Variants in TCERG1L observed in about 807,000 individuals in gnomAD.
The protein encoded by TCERG1L is transcription elongation regulator 1 like.
A neutral mutation model predicts 56.3 loss-of-function variants in TCERG1L; 37 were observed. The ratio of observed to expected loss-of-function variants is 0.66; its 90% CI spans 0.51 to 0.87. The LOEUF is 0.87. Ranked by LOEUF, TCERG1L falls within the 40% of genes least tolerant of loss-of-function variation. The pLI, the probability that TCERG1L is intolerant of heterozygous loss-of-function variation, is 0.00. For missense variants in TCERG1L, 799 were observed against 774.2 expected, an observed-to-expected ratio of 1.03 and a Z score of -0.38; for synonymous variants, 324 against 326.3, an observed-to-expected ratio of 0.99 and a Z score of 0.08.
intron 4 of TCERG1L, among the ~76,000 whole-genome samples, chr10:131,205,756 G>A (rs1344655732): frequency 1.3e-5 from 2 of 152,210 alleles, no homozygotes; most frequent in Non-Finnish European, 2.9e-5. Flanking sequence ...GGCTCAGCAC[G>A]GCGGACCTCA....
intron 4 of TCERG1L, among the ~76,000 whole-genome samples, chr10:131,256,487 C>T (rs1007344787): frequency 6.6e-6 from 1 of 152,204 alleles, no homozygotes; most frequent in Admixed American, 6.5e-5. Context: ...TAGTTACCTG[C>T]TCTACCAGAG....
chr10:131,248,278 AGG>A (rs1204560168), intron 4 of TCERG1L, among the ~76,000 whole-genome samples: 8 of 11,154 alleles, frequency 7.2e-4, no homozygotes, highest in Non-Finnish European at 2.6e-3. Context: ...ACACACCCAC[AGG>A]ACACACACAC....
intron 4 of TCERG1L, among the ~76,000 whole-genome samples, chr10:131,203,824 C>A (rs1216430836): frequency 6.6e-6 from 1 of 152,202 alleles, no homozygotes; most frequent in Non-Finnish European, 1.5e-5. Flanking sequence ...CACTTCAGAC[C>A]TCCTCCAAGT....
chr10:131,157,590 C>T (rs1437751415), intron 6 of TCERG1L, among the ~76,000 whole-genome samples: 2 of 139,794 alleles, frequency 1.4e-5, no homozygotes, highest in African/African-American at 5.3e-5. Context: ...AGCCAAATTA[C>T]AAAAAAAAAA....
intron 4 of TCERG1L, among the ~76,000 whole-genome samples, chr10:131,167,841 T>C (rs938531784): frequency 6.6e-6 from 1 of 152,204 alleles, no homozygotes; most frequent in African/African-American, 2.4e-5. Context: ...AAAATGTCTA[T>C]CTAACTCTCA....
chr10:131,184,001 C>A (rs12761825), intron 4 of TCERG1L, among the ~76,000 whole-genome samples: 1 of 152,208 alleles, frequency 6.6e-6, no homozygotes, highest in African/African-American at 2.4e-5. Flanking sequence ...GCAGGGCCAA[C>A]CTTGGGGGTT....
chr10:131,258,522 C>T (rs1846198542), intron 4 of TCERG1L, among the ~76,000 whole-genome samples: 1 of 152,214 alleles, frequency 6.6e-6, no homozygotes, highest in African/African-American at 2.4e-5. Flanking sequence ...CTCAGACCTG[C>T]TCATCACCGG....
At chr10:131,309,859 A>AAAAAAAT (rs1846864244) in intron 1 of TCERG1L, among the ~76,000 whole-genome samples, 1 of 138,426 alleles carries the variant, frequency 7.2e-6, no homozygotes, top group Non-Finnish European at 1.6e-5. Context: ...AAAAAAAAAA[A>AAAAAAAT]CTAAGCATCT....
chr10:131,096,673 G>A (rs1386126199), intron 11 of TCERG1L, among the ~76,000 whole-genome samples: 2 of 152,138 alleles, frequency 1.3e-5, no homozygotes, highest in Admixed American at 6.5e-5. Flanking sequence ...GGCCAAGGCG[G>A]GTGGATCACA....
intron 8 of TCERG1L, among the ~76,000 whole-genome samples, chr10:131,122,217 A>G (rs1453923628): frequency 7.2e-5 from 11 of 152,364 alleles, no homozygotes; most frequent in Non-Finnish European, 2.9e-5. Flanking sequence ...CCTAAGCACT[A>G]GAAATGACCT....
chr10:131,174,600 A>C (rs2133444010), intron 4 of TCERG1L, among the ~76,000 whole-genome samples: 1 of 152,284 alleles, frequency 6.6e-6, no homozygotes, highest in Admixed American at 6.5e-5. Context: ...ACTCCACTAT[A>C]AATGGAGATA....
At chr10:131,272,366 G>T (rs1204321741) in intron 3 of TCERG1L, among the ~76,000 whole-genome samples, 1 of 152,236 alleles carries the variant, frequency 6.6e-6, no homozygotes. Flanking sequence ...GGTGTTTGTT[G>T]TTCTGGTTGT....
intron 3 of TCERG1L, among the ~76,000 whole-genome samples, chr10:131,281,864 CG>C: frequency 6.8e-6 from 1 of 146,280 alleles, no homozygotes; most frequent in South Asian, 2.1e-4. Flanking sequence ...TGGCCGGGCG[CG>C]GTGGCTCACG....
chr10:131,249,850 G>T (rs149231378), intron 4 of TCERG1L, among the ~76,000 whole-genome samples: 13 of 152,084 alleles, frequency 8.5e-5, no homozygotes, highest in South Asian at 2.1e-4. Flanking sequence ...AAAGCACTCC[G>T]CCTGGCAAAT....
At chr10:131,152,997 A>G (rs1355253959) in intron 6 of TCERG1L, among the ~76,000 whole-genome samples, 1 of 152,052 alleles carries the variant, frequency 6.6e-6, no homozygotes, top group Non-Finnish European at 1.5e-5. Context: ...ACACATGGGG[A>G]TTATGGGGAT....
At chr10:131,168,341 A>T (rs1846053467) in intron 4 of TCERG1L, among the ~76,000 whole-genome samples, 2 of 152,154 alleles carry the variant, frequency 1.3e-5, no homozygotes, top group Non-Finnish European at 1.5e-5. Context: ...AGCTCCGGGA[A>T]GGAGATTTGC....
intron 8 of TCERG1L, among the ~76,000 whole-genome samples, chr10:131,122,130 C>T (rs1206224704): frequency 6.6e-6 from 1 of 152,168 alleles, no homozygotes; most frequent in Non-Finnish European, 1.5e-5. Context: ...AAATGTTAGG[C>T]CTATGATATA....
intron 4 of TCERG1L, among the ~76,000 whole-genome samples, chr10:131,238,777 A>G (rs11598624): frequency 0.24 from 35,860 of 152,112 alleles, 4,499 homozygotes; most frequent in Middle Eastern, 0.33. Flanking sequence ...ACGCGGGCAG[A>G]GCTGAAGGGG....
chr10:131,115,993 C>A (rs1845456044), intron 9 of TCERG1L, among the ~76,000 whole-genome samples: 1 of 152,204 alleles, frequency 6.6e-6, no homozygotes, highest in Non-Finnish European at 1.5e-5. Context: ...GCAGAGGAAA[C>A]CTGCTCTGAA....
Sources: gnomAD v4.1 joint callset for allele counts (sites outside exome capture counted in the v4.1 genomes callset) on GRCh38, gnomAD v4.1.1 for gene constraint, MANE v1.5 for transcripts, NCBI Gene and HGNC (gene_info 2026-07-23, HGNC 2026-07-21) for gene names.